TRIM23: variants seen among roughly 807,000 people sequenced by gnomAD.
The protein encoded by TRIM23 is tripartite motif containing 23, also known as E3 ubiquitin-protein ligase TRIM23.
TRIM23 carries 27 observed loss-of-function variants against 71.0 expected under a neutral mutation model. The ratio of observed to expected loss-of-function variants is 0.38; its 90% CI spans 0.28 to 0.52. The LOEUF (loss-of-function observed/expected upper bound fraction) is 0.52. Ranked by LOEUF, TRIM23 falls within the 20% of genes least tolerant of loss-of-function variation. TRIM23 has a pLI of 0.84. For missense variants in TRIM23, 482 were observed against 692.3 expected (o/e 0.70, Z 3.41); for synonymous variants, 234 against 238.0 (o/e 0.98, Z 0.16).
chr5:65,596,637 T>C, intron 8 of TRIM23, 106 bp from the exon 9 acceptor site: 1 of 699,900 alleles, frequency 1.4e-6, no homozygotes, highest in South Asian at 1.8e-5. Context: ...TCAAATTATC[T>C]ACATGCAGCA....
chr5:65,592,588 G>C (rs778833555), intron 10 of TRIM23, among the ~76,000 whole-genome samples: 1 of 151,998 alleles, frequency 6.6e-6, no homozygotes, highest in East Asian at 1.9e-4. Flanking sequence ...CTTAATAAAT[G>C]GTTTATATAT....
intron 10 of TRIM23, among the ~76,000 whole-genome samples, chr5:65,594,151 C>T (rs1271892190): frequency 6.6e-6 from 1 of 152,206 alleles, no homozygotes; most frequent in Admixed American, 6.5e-5. Flanking sequence ...CTTTCACATA[C>T]TGACTCAGCC....
chr5:65,624,110 C>G, intron 1 of TRIM23, 84 bp downstream of exon 1: 3 of 1,567,916 alleles, frequency 1.9e-6, no homozygotes, highest in Non-Finnish European at 1.8e-6. Flanking sequence ...CTATCGAAGC[C>G]TGGGCCGCGG....
chr5:65,594,547 G>C lies in TRIM23; in HGVS notation c.1519C>G (p.Leu507Val), dbSNP rs1422426045. ...TGTTTGTTAGCAAAAATCAGGAGCA[G>C]AGCATCTCGGAGTTCTTTTTCCGTT... is the stretch of plus-strand genomic sequence containing the variant. ...LLTEKELRDALLLIFANKQDV... is the reference protein window; with the variant it reads ...LLTEKELRDAVLLIFANKQDV... The change falls in exon 10 of 11, where the codon CTG (leucine) becomes GTG (valine). Residue 507 changes from leucine (L) to valine (V), a missense_variant. Coordinates refer to ENST00000231524, the MANE Select transcript of TRIM23 (RefSeq NM_001656.4). The C allele has an allele frequency of 6.2e-7, 1 of 1,612,010 alleles. No homozygotes were observed. The highest frequency in any genetic ancestry group is 8.5e-7 in the Non-Finnish European group (1 of 1,179,334).
At chr5:65,613,252 T>G (rs1206056281) in intron 3 of TRIM23, among the ~76,000 whole-genome samples, 2 of 152,180 alleles carry the variant, frequency 1.3e-5, no homozygotes, top group African/African-American at 4.8e-5. Flanking sequence ...AAATAAAGAT[T>G]AAAGATTTAG....
rs777505718 is a variant in TRIM23 at position 65,590,650 on chromosome 5, C to A, written c.*1119G>T. On this transcript the variant is annotated 3_prime_UTR_variant, in exon 11 of 11. Transcript: ENST00000231524. ...TAAAGAGCACACATTTTTATTTACT[C>A]ACAACACTGAATAATTAATGTAAAC... 132 of 985,062 alleles carry A rather than the reference C, an allele frequency of 1.3e-4. 1 individual carries two copies. The highest frequency in any genetic ancestry group is 1.6e-4 in the Non-Finnish European group (130 of 826,664). The allele number at this position is 985,062 out of a possible 1,614,324, so 61.0% of individuals were successfully genotyped here.
intron 2 of TRIM23, among the ~76,000 whole-genome samples, chr5:65,615,139 T>G (rs936154123): frequency 2.0e-5 from 3 of 152,150 alleles, no homozygotes; most frequent in Non-Finnish European, 2.9e-5. Context: ...TGGCCTAAAG[T>G]GATCTGACTG....
At chr5:65,624,051 A>T in intron 1 of TRIM23, 143 bp downstream of exon 1, 1 of 842,936 alleles carries the variant, frequency 1.2e-6, no homozygotes, top group South Asian at 1.7e-5. Flanking sequence ...TGCAGAGGAC[A>T]GGACGAGACT....
Position 65,604,919 on chromosome 5 carries a change from A to AT in TRIM23, c.1170_1171insA (p.Phe391IlefsTer5). 1 of 1,612,970 alleles carries AT rather than the reference A, an allele frequency of 6.2e-7. No individual in the cohort carries two copies. Among genetic ancestry groups the AT allele is most frequent in the Non-Finnish European group, 8.5e-7 (1 of 1,179,650 alleles). On this transcript the variant is annotated frameshift_variant, in exon 7 of 11. Coordinates refer to ENST00000231524, the MANE Select transcript of TRIM23 (RefSeq NM_001656.4). LOFTEE classifies it high-confidence loss of function. ...AAAGTACAGTACATTACCTTTGTAA[A>AT]AGTGACAGGGATGCTGGCATCCAAC...
At chr5:65,621,757 G>T (rs1449084464) in intron 1 of TRIM23, among the ~76,000 whole-genome samples, 3 of 151,914 alleles carry the variant, frequency 2.0e-5, no homozygotes, top group Admixed American at 6.6e-5. Context: ...TGCCAAAAAA[G>T]CTTCAAACTT....
intron 6 of TRIM23, among the ~76,000 whole-genome samples, chr5:65,605,251 A>T (rs909419046): frequency 2.0e-5 from 3 of 152,242 alleles, no homozygotes; most frequent in Non-Finnish European, 4.4e-5. Flanking sequence ...ATATAGATAA[A>T]TGGAACACTA....
intron 3 of TRIM23, chr5:65,613,668 C>A: frequency 8.9e-7 from 1 of 1,126,128 alleles, no homozygotes. Flanking sequence ...GTAACAATTC[C>A]CTCAGAAGTT....
At position 65,591,220 on chromosome 5, in the gene TRIM23, G is replaced by T; in HGVS notation, c.*549C>A. 2 of 1,232,680 alleles carry T rather than the reference G, an allele frequency of 1.6e-6. No individual in the cohort carries two copies. The highest frequency in any genetic ancestry group is 2.0e-6 in the Non-Finnish European group (2 of 985,680). The allele number at this position is 1,232,680 out of a possible 1,614,324, so 76.4% of individuals were successfully genotyped here. On this transcript the variant is annotated 3_prime_UTR_variant, in exon 11 of 11. Coordinates refer to ENST00000231524, the MANE Select transcript of TRIM23 (RefSeq NM_001656.4). ...GTACCTTATAGTTCTTAGCATTAAAGGTGTTCTGTTAACTCTGAACATAAA... is the reference window on the plus strand; with the variant it reads ...GTACCTTATAGTTCTTAGCATTAAATGTGTTCTGTTAACTCTGAACATAAA...
chr5:65,594,661 TAAAA>T lies in TRIM23; in HGVS notation c.1421-20_1421-17del, dbSNP rs566071764. 1 of 1,522,496 alleles carries T rather than the reference TAAAA, an allele frequency of 6.6e-7. No homozygotes were observed. Among genetic ancestry groups the T allele is most frequent in the South Asian group, 1.3e-5 (1 of 78,868 alleles). 94.3% of individuals were successfully genotyped at this position (1,522,496 alleles called of 1,614,324 possible). On this transcript the variant is annotated splice_polypyrimidine_tract_variant and intron_variant, in intron 9 of 10. Coordinates refer to ENST00000231524, the MANE Select transcript of TRIM23 (RefSeq NM_001656.4). ...AACACAACAGCTACCCAAAAAAAAA[TAAAA>T]AAAACAAAAATAGTCACTTGCTAAA...
At position 65,591,509 on chromosome 5, in the gene TRIM23, T is replaced by A. The variant is rs764536145; in HGVS notation, c.*260A>T. The A allele has an allele frequency of 6.4e-7, 1 of 1,556,894 alleles. No homozygotes were observed. Among genetic ancestry groups the A allele is most frequent in the Admixed American group, 1.8e-5 (1 of 55,668 alleles). The stretch of plus-strand genomic sequence containing the variant: ...TCACATATTATCTGAAAAACTTAAA[T>A]AACAAATATACTTTTTAAAAGAATG... On this transcript the variant is annotated 3_prime_UTR_variant, in exon 11 of 11. Coordinates refer to ENST00000231524, the MANE Select transcript of TRIM23 (RefSeq NM_001656.4).
intron 2 of TRIM23, among the ~76,000 whole-genome samples, chr5:65,615,571 C>A (rs778275224): frequency 6.6e-6 from 1 of 150,754 alleles, no homozygotes; most frequent in Non-Finnish European, 1.5e-5. Context: ...CCCAAAAAAA[C>A]TGGACTGAAC....
In TRIM23 at chr5:65,591,164, AATAAAACACTAT is replaced by A; in HGVS notation, c.*593_*604del. On this transcript the variant is annotated 3_prime_UTR_variant, in exon 11 of 11. Coordinates refer to ENST00000231524, the MANE Select transcript of TRIM23 (RefSeq NM_001656.4). ...ATACAAAATGCTGTAGGAGAAAGTT[AATAAAACACTAT>A]ATAAAGTATTAATTTTCTGTACCTT... The A allele has an allele frequency of 9.3e-7, 1 of 1,071,842 alleles. No homozygotes were observed. The highest frequency in any genetic ancestry group is 1.1e-6 in the Non-Finnish European group (1 of 885,244). The allele number at this position is 1,071,842 out of a possible 1,614,324, so 66.4% of individuals were successfully genotyped here.
rs1447970625 is a variant in TRIM23 at position 65,590,371 on chromosome 5, T to G, written c.*1398A>C. 1 of 1,446,148 alleles carries G rather than the reference T, an allele frequency of 6.9e-7. No homozygotes were observed. The highest frequency in any genetic ancestry group is 1.5e-5 in the African/African-American group (1 of 68,372). 89.6% of individuals were successfully genotyped at this position (1,446,148 alleles called of 1,614,324 possible). On this transcript the variant is annotated 3_prime_UTR_variant, in exon 11 of 11. Coordinates refer to ENST00000231524, the MANE Select transcript of TRIM23 (RefSeq NM_001656.4). The stretch of plus-strand genomic sequence containing the variant: ...TTGCCCATAATACTGATAGGCTTTT[T>G]TTTTAATGCTTTGTTTTCTAAAACT...
At chr5:65,613,608 T>A in intron 3 of TRIM23, 1 of 801,662 alleles carries the variant, frequency 1.2e-6, no homozygotes, top group Non-Finnish European at 1.6e-6. Flanking sequence ...CCTGTATGGA[T>A]AAAGACAGTA....
Sources: allele counts gnomAD v4.1 joint callset (sites outside exome capture counted in the v4.1 genomes callset), GRCh38; gene constraint gnomAD v4.1.1; transcripts MANE v1.5; gene names NCBI Gene and HGNC (gene_info 2026-07-23, HGNC 2026-07-21).